The following NRDC variants were observed in gnomAD, a reference collection of about 807,000 sequenced individuals.
The protein encoded by NRDC is nardilysin convertase.
In NRDC, 54 loss-of-function variants were observed where a neutral mutation model predicts 147.1. The ratio of observed to expected loss-of-function variants is 0.37; its 90% CI spans 0.29 to 0.46. The LOEUF is 0.46. Among genes scored for constraint, NRDC ranks in the 20% least tolerant of loss-of-function variants. The pLI is 1.00. For missense variants in NRDC, 1,082 were observed against 1,370.6 expected (o/e 0.79, Z 3.33); for synonymous variants, 440 against 482.1 (o/e 0.91, Z 1.14).
chr1:51,821,623 A>G, intron 7 of NRDC, 68 bp from the exon 8 acceptor site: 1 of 1,077,650 alleles, frequency 9.3e-7, no homozygotes, highest in Non-Finnish European at 1.4e-6. Context: ...AAATGCAATT[A>G]GATTTCTCAG....
At chr1:51,864,025 A>G (rs1263024310) in intron 1 of NRDC, among the ~76,000 whole-genome samples, 1 of 152,232 alleles carries the variant, frequency 6.6e-6, no homozygotes, top group Non-Finnish European at 1.5e-5. Context: ...CACAAAGTCT[A>G]TTTTATAATG....
chr1:51,814,902 T>C (rs1257239506), intron 11 of NRDC, 89 bp from the exon 12 acceptor site: 3 of 1,329,710 alleles, frequency 2.3e-6, no homozygotes, highest in Non-Finnish European at 3.0e-6. Context: ...AGGCTTTCTA[T>C]GTAAAATGTG....
At chr1:51,838,454 A>C (rs1681093513) in intron 2 of NRDC, among the ~76,000 whole-genome samples, 2 of 152,218 alleles carry the variant, frequency 1.3e-5, no homozygotes, top group Non-Finnish European at 2.9e-5. Context: ...CTGTTTTTAA[A>C]TGCTTTGTCA....
intron 23 of NRDC, 101 bp from the exon 24 acceptor site, chr1:51,794,711 T>A: frequency 6.3e-7 from 1 of 1,581,140 alleles, no homozygotes. Context: ...CAAAAAAATC[T>A]ACTACAAGTA....
At chr1:51,854,751 C>A (rs1194936508) in intron 1 of NRDC, among the ~76,000 whole-genome samples, 1 of 152,158 alleles carries the variant, frequency 6.6e-6, no homozygotes, top group Non-Finnish European at 1.5e-5. Context: ...TAGCGAGACC[C>A]CATCTCTAAC....
chr1:51,811,557 C>T (rs932256600), intron 15 of NRDC, among the ~76,000 whole-genome samples: 1 of 152,144 alleles, frequency 6.6e-6, no homozygotes, highest in African/African-American at 2.4e-5. Context: ...GTAACATTAT[C>T]CCTAAGTCAT....
At position 51,840,355 on chromosome 1, in the gene NRDC, G is replaced by T; in HGVS notation, c.501C>A (p.Asp167Glu). The T allele has an allele frequency of 6.5e-7, 1 of 1,527,852 alleles. No individual in the cohort carries two copies. The highest frequency in any genetic ancestry group is 9.1e-7 in the Non-Finnish European group (1 of 1,102,510). 94.6% of individuals were successfully genotyped at this position (1,527,852 alleles called of 1,614,324 possible). Reference protein sequence around the residue: ...DEDSGAEIEDDDEEGFDDEDE... With the variant: ...DEDSGAEIEDEDEEGFDDEDE... ...CTTCATCATCAAAACCCTCTTCATC[G>T]TCATCTTCTATTTCAGCTCCAGAAT... The change falls in exon 2 of 31, where the codon GAC (aspartate) becomes GAA (glutamate). Residue 167 changes from aspartate (D) to glutamate (E), a missense_variant. Coordinates refer to ENST00000352171, the MANE Select transcript of NRDC (RefSeq NM_001101662.2).
chr1:51,861,734 C>G (rs544901225), intron 1 of NRDC, among the ~76,000 whole-genome samples: 2 of 152,218 alleles, frequency 1.3e-5, no homozygotes, highest in African/African-American at 4.8e-5. Flanking sequence ...AATGGCCCAC[C>G]AGGGCAGAAA....
chr1:51,846,358 C>G (rs1681585432), intron 1 of NRDC, among the ~76,000 whole-genome samples: 1 of 152,196 alleles, frequency 6.6e-6, no homozygotes, highest in Non-Finnish European at 1.5e-5. Flanking sequence ...AAGTGATCCA[C>G]CCGCCTCGGT....
chr1:51,875,411 G>A (rs375809548), intron 1 of NRDC, among the ~76,000 whole-genome samples: 1 of 152,140 alleles, frequency 6.6e-6, no homozygotes, highest in Non-Finnish European at 1.5e-5. Flanking sequence ...AGACAAAAAC[G>A]CAACAATTTT....
chr1:51,876,349 G>A (rs757426505), intron 1 of NRDC, among the ~76,000 whole-genome samples: 8 of 152,210 alleles, frequency 5.3e-5, no homozygotes, highest in Admixed American at 6.5e-5. Flanking sequence ...GAATATTTGC[G>A]TATACGTAAT....
chr1:51,789,226 T>G lies in NRDC; in HGVS notation c.*10A>C. 6.2e-7 allele frequency: 1 copy of G among 1,612,254 alleles called. No homozygotes were observed. Among genetic ancestry groups the G allele is most frequent in the Non-Finnish European group, 8.5e-7 (1 of 1,178,466 alleles). ...ACACATTGCTTCAGGCCAACGTGAC[T>G]GCAGTTTATTTATTTGACTATTTTA... On this transcript the variant is annotated 3_prime_UTR_variant, in exon 31 of 31. Coordinates refer to ENST00000352171, the MANE Select transcript of NRDC (RefSeq NM_001101662.2).
At chr1:51,837,534 C>G (rs765708418) in intron 2 of NRDC, 1 of 1,590,636 alleles carries the variant, frequency 6.3e-7, no homozygotes, top group Admixed American at 1.7e-5. Context: ...TCTCGACCAG[C>G]AGGGTTGAAG....
In NRDC at chr1:51,805,503, T is replaced by TG; in HGVS notation, c.2162+6dup. On this transcript the variant is annotated splice_region_variant and intron_variant, in intron 19 of 30. Transcript: ENST00000352171. Reference sequence around the variant, plus strand: ...TGTATTTTCCAGAAAAAAAGACAATTGCTTACTTTGCTGCAGATTTCTGTA... The same window carrying TG: ...TGTATTTTCCAGAAAAAAAGACAATTGGCTTACTTTGCTGCAGATTTCTGTA... The TG allele has an allele frequency of 6.4e-7, 1 of 1,572,936 alleles. No individual in the cohort carries two copies. The highest frequency in any genetic ancestry group is 2.3e-5 in the East Asian group (1 of 43,802).
rs548255692 is a variant in NRDC, at chr1:51,844,291, T to G, written c.342-3777A>C. Among the ~76,000 whole-genome samples the G allele has an allele frequency of 7.2e-5, 11 of 152,228 alleles. No homozygotes were observed. The South Asian group carries it at 1.9e-3, about 26-fold the overall frequency. The stretch of plus-strand genomic sequence containing the variant: ...CCTACTACCTCAGGATGTGATTGTA[T>G]TTAGAGACAGGGCCTTTAAAGAGGT... On this transcript the variant is annotated intron_variant, in intron 1 of 30. Coordinates refer to ENST00000352171, the MANE Select transcript of NRDC (RefSeq NM_001101662.2).
At chr1:51,829,965 C>CTT (rs941972546) in intron 4 of NRDC, among the ~76,000 whole-genome samples, 4,621 of 131,218 alleles carry the variant, frequency 0.035, 396 homozygotes, top group African/African-American at 0.13. Flanking sequence ...TCTTTTATTT[C>CTT]TTTTTTTTTT....
At chr1:51,854,272 G>A (rs998442880) in intron 1 of NRDC, among the ~76,000 whole-genome samples, 10 of 152,162 alleles carry the variant, frequency 6.6e-5, no homozygotes, top group African/African-American at 2.4e-4. Context: ...GGAGGCTGAG[G>A]CAGAAGAATC....
Position 51,840,275 on chromosome 1 carries a change from T to C in NRDC, c.581A>G (p.Glu194Gly), listed in dbSNP as rs200864303. 1.9e-6 allele frequency: 3 copies of C among 1,608,770 alleles called. No individual in the cohort carries two copies. The highest frequency in any genetic ancestry group is 1.7e-4 in the Middle Eastern group (1 of 6,052). Residue 194 changes from glutamate (E) to glycine (G), a missense_variant, in exon 2 of 31, where the codon GAA becomes GGA. Glu to Gly is a moderately conservative substitution (Grantham distance 98, BLOSUM62 -2). Coordinates refer to ENST00000352171, the MANE Select transcript of NRDC (RefSeq NM_001101662.2). ...AGCTTCTGCTCTCTCTTCTAATTCTTCCAATTCATTATCCTCAGTATCAAG... is the reference window on the plus strand; with the variant it reads ...AGCTTCTGCTCTCTCTTCTAATTCTCCCAATTCATTATCCTCAGTATCAAG... ...DDLDTEDNEL[E>G]ELEERAEARK...
At chr1:51,807,796 CTTTTTTT>C (rs35756457) in intron 17 of NRDC, among the ~76,000 whole-genome samples, 3 of 127,478 alleles carry the variant, frequency 2.4e-5, no homozygotes, top group Admixed American at 7.9e-5. Context: ...ATAATTAATA[CTTTTTTT>C]TTTTTTTTTT....
Sources: gnomAD v4.1 joint callset for allele counts (sites outside exome capture counted in the v4.1 genomes callset) on GRCh38, gnomAD v4.1.1 for gene constraint, MANE v1.5 for transcripts, NCBI Gene and HGNC (gene_info 2026-07-23, HGNC 2026-07-21) for gene names.